Variants in FGF14 observed in about 807,000 individuals in gnomAD.
FGF14 encodes fibroblast growth factor homologous factor 4.
A neutral mutation model predicts 25.5 loss-of-function variants in FGF14; 5 were observed. The ratio of observed to expected loss-of-function variants is 0.20; its 90% CI spans 0.10 to 0.41. The LOEUF is 0.41. Ranked by LOEUF, FGF14 falls within the 10% of genes least tolerant of loss-of-function variation. The probability of loss-of-function intolerance (pLI) is 1.00; values close to 1 mark genes in which losing one functional copy is unlikely to be tolerated. For synonymous variants in FGF14, 138 were observed against 118.3 expected (o/e 1.17, Z -1.08); for missense variants, 222 against 320.1 (o/e 0.69, Z 2.34).
At chr13:102,341,655 G>A (rs185804789) in intron 1 of FGF14, among the ~76,000 whole-genome samples, 5 of 152,162 alleles carry the variant, frequency 3.3e-5, no homozygotes, top group South Asian at 2.1e-4. Flanking sequence ...TCCAAGACAC[G>A]GCATTTTTCA....
intron 1 of FGF14, among the ~76,000 whole-genome samples, chr13:102,232,584 A>C (rs1594510928): frequency 6.6e-6 from 1 of 152,360 alleles, no homozygotes; most frequent in East Asian, 1.9e-4. Flanking sequence ...TAACAAGTTG[A>C]TTTTAGGTGA....
chr13:102,029,173 T>C (rs1048317034), intron 1 of FGF14, among the ~76,000 whole-genome samples: 3 of 152,058 alleles, frequency 2.0e-5, no homozygotes, highest in Non-Finnish European at 4.4e-5. Context: ...CTCATGTTGC[T>C]TGTGTGTGTG....
At chr13:102,099,793 ATT>A (rs1276738275) in intron 1 of FGF14, among the ~76,000 whole-genome samples, 5 of 150,334 alleles carry the variant, frequency 3.3e-5, no homozygotes, top group Admixed American at 6.6e-5. Context: ...CTTAATAATT[ATT>A]TGTCAGTAAT....
rs746765508 is a variant in FGF14 at position 101,721,886 on chromosome 13, T to TTAA, written c.*942_*944dup. ...TTTTTTTTTTTCCAAATAATGAGAATTAATAGATGAAAAATGAACCTTAAT... is the reference window on the plus strand; with the variant it reads ...TTTTTTTTTTTCCAAATAATGAGAATTAATAATAGATGAAAAATGAACCTTAAT... On this transcript the variant is annotated 3_prime_UTR_variant, in exon 5 of 5. Coordinates refer to ENST00000376143, the MANE Select transcript of FGF14 (RefSeq NM_004115.4). 9.3e-5 allele frequency: 14 copies of TTAA among 151,058 alleles called. No homozygotes were observed. Among genetic ancestry groups the TTAA allele is most frequent in the South Asian group, 6.3e-4 (3 of 4,786 alleles). 9.4% of individuals were successfully genotyped at this position (151,058 alleles called of 1,614,324 possible).
chr13:102,016,792 T>G (rs560053272), intron 1 of FGF14, among the ~76,000 whole-genome samples: 1 of 152,214 alleles, frequency 6.6e-6, no homozygotes, highest in South Asian at 2.1e-4. Flanking sequence ...AGCAGTGGCT[T>G]TTTCTATTTT....
intron 1 of FGF14, among the ~76,000 whole-genome samples, chr13:102,018,484 T>C (rs1368002211): frequency 6.6e-6 from 1 of 152,134 alleles, no homozygotes; most frequent in Non-Finnish European, 1.5e-5. Flanking sequence ...TCACTGGTTA[T>C]CTCAACTCCA....
chr13:101,731,302 C>T (rs1029324713), intron 3 of FGF14, among the ~76,000 whole-genome samples: 1 of 152,082 alleles, frequency 6.6e-6, no homozygotes, highest in Admixed American at 6.6e-5. Flanking sequence ...TCTGCCAAAA[C>T]GAGATCGATA....
chr13:102,180,480 G>C (rs1594303104), intron 1 of FGF14, among the ~76,000 whole-genome samples: 3 of 151,886 alleles, frequency 2.0e-5, no homozygotes, highest in African/African-American at 7.2e-5. Flanking sequence ...GCCCAGCTAA[G>C]TTTTGTATTT....
chr13:101,749,630 C>T lies in FGF14; in HGVS notation c.409-22820G>A, dbSNP rs141117079. On this transcript the variant is annotated intron_variant, in intron 3 of 4. Coordinates refer to ENST00000376143, the MANE Select transcript of FGF14 (RefSeq NM_004115.4). ...ACATGTGTGTTAGGGTTAGGAGACA[C>T]GTTTGACTTTTTGTCTATATAAATC... 4.6e-5 allele frequency among the ~76,000 whole-genome samples: 7 copies of T among 152,158 alleles called. No individual in the cohort carries two copies. The East Asian group carries it at 7.7e-4, about 17-fold the overall frequency.
intron 1 of FGF14, among the ~76,000 whole-genome samples, chr13:102,343,236 T>C (rs1290921698): frequency 6.6e-6 from 1 of 152,038 alleles, no homozygotes; most frequent in Non-Finnish European, 1.5e-5. Flanking sequence ...AGAAGGGTAA[T>C]TGAATACAAA....
intron 1 of FGF14, among the ~76,000 whole-genome samples, chr13:102,133,246 T>G (rs1343921567): frequency 6.6e-6 from 1 of 152,232 alleles, no homozygotes; most frequent in African/African-American, 2.4e-5. Context: ...TTTTTGATCA[T>G]AGTTATTATA....
chr13:102,246,751 CATAT>C (rs34759741), intron 1 of FGF14, among the ~76,000 whole-genome samples: 61 of 148,148 alleles, frequency 4.1e-4, no homozygotes, highest in African/African-American at 1.3e-3. Context: ...TTATATGGAA[CATAT>C]ATATATATAT....
At chr13:101,937,771 T>C (rs1193737714) in intron 1 of FGF14, among the ~76,000 whole-genome samples, 2 of 152,108 alleles carry the variant, frequency 1.3e-5, no homozygotes, top group African/African-American at 4.8e-5. Context: ...AGCTATTTTT[T>C]GTATTTTTAG....
intron 3 of FGF14, among the ~76,000 whole-genome samples, chr13:101,804,302 T>A (rs1278748613): frequency 6.6e-6 from 1 of 151,924 alleles, no homozygotes; most frequent in Non-Finnish European, 1.5e-5. Context: ...AGTGATGGAA[T>A]GAAATGGAGA....
At chr13:101,953,176 T>A (rs146020835) in intron 1 of FGF14, among the ~76,000 whole-genome samples, 32 of 152,358 alleles carry the variant, frequency 2.1e-4, no homozygotes, top group African/African-American at 7.7e-4. Context: ...GAGAAGTTTG[T>A]CAACATCTCA....
In FGF14 at chr13:101,711,413, A is replaced by C. The variant is rs1161064445; in HGVS notation, c.*11418T>G. 1 of 152,370 alleles carries C rather than the reference A, an allele frequency of 6.6e-6. No homozygotes were observed. Among genetic ancestry groups the C allele is most frequent in the Non-Finnish European group, 1.5e-5 (1 of 68,096 alleles). 9.4% of individuals were successfully genotyped at this position (152,370 alleles called of 1,614,324 possible). A position where few individuals can be genotyped will look rare whatever the true frequency, so the allele number is the denominator to read the frequency against. On this transcript the variant is annotated 3_prime_UTR_variant, in exon 5 of 5. Transcript: ENST00000376143. ...CTGTCCCACATCCCCAGAAAAGAGAAAGAGTGAAAGATGCTTCACAAAATC... is the reference window on the plus strand; with the variant it reads ...CTGTCCCACATCCCCAGAAAAGAGACAGAGTGAAAGATGCTTCACAAAATC...
chr13:101,848,813 C>T lies in FGF14; in HGVS notation c.408+19912G>A, dbSNP rs1016144056. ...ATAGAAGTTATTCTCAGTATTTTTA[C>T]AACTTTTCTGTAAGTTTGAAGATAT... On this transcript the variant is annotated intron_variant, in intron 3 of 4. Transcript: ENST00000376143. Among the ~76,000 whole-genome samples, 6 of 152,016 alleles carry T rather than the reference C, an allele frequency of 3.9e-5. No homozygotes were observed. The South Asian group carries it at 1.2e-3, about 32-fold the overall frequency.
At position 101,998,133 on chromosome 13, in the gene FGF14, G is replaced by A. The variant is rs183625832; in HGVS notation, c.209-122837C>T. On this transcript the variant is annotated intron_variant, in intron 1 of 4. Coordinates refer to the FGF14 transcript ENST00000376131. ...ATTCCATTTCATTCAGTCGCAATACGCTTCTCAAAAAAAACTAAATTCATA... is the reference window on the plus strand; with the variant it reads ...ATTCCATTTCATTCAGTCGCAATACACTTCTCAAAAAAAACTAAATTCATA... Among the ~76,000 whole-genome samples, 20 of 151,924 alleles carry A rather than the reference G, an allele frequency of 1.3e-4. No individual in the cohort carries two copies. In the East Asian group the frequency reaches 3.5e-3, roughly 26 times the overall value.
intron 1 of FGF14, among the ~76,000 whole-genome samples, chr13:102,213,166 G>A (rs1199651073): frequency 6.6e-6 from 1 of 152,216 alleles, no homozygotes; most frequent in East Asian, 1.9e-4. Flanking sequence ...TTCAGGATCA[G>A]TATACATCAA....
Sources: allele counts gnomAD v4.1 joint callset (sites outside exome capture counted in the v4.1 genomes callset), GRCh38; gene constraint gnomAD v4.1.1; transcripts MANE v1.5; gene names NCBI Gene and HGNC (gene_info 2026-07-23, HGNC 2026-07-21).